POU2AF2: variants seen among roughly 807,000 people sequenced by gnomAD.
The protein encoded by POU2AF2 is POU class 2 homeobox associating factor 2, also known as POU domain class 2-associating factor 2.
chr11:111,249,069 A>G, the POU2AF2 span, among the ~76,000 whole-genome samples: 1 of 152,204 alleles, frequency 6.6e-6, no homozygotes, highest in African/African-American at 2.4e-5. Context: ...CTTTTTCCAA[A>G]TTCTACAGGA....
chr11:111,270,794 G>A, the POU2AF2 span, among the ~76,000 whole-genome samples: 2 of 152,144 alleles, frequency 1.3e-5, no homozygotes, highest in African/African-American at 4.8e-5. Context: ...GCACCTATGG[G>A]AGAGTATCAG....
chr11:111,273,163 G>A, the POU2AF2 span, among the ~76,000 whole-genome samples: 4 of 152,134 alleles, frequency 2.6e-5, no homozygotes, highest in African/African-American at 4.8e-5. Context: ...CACACCAACC[G>A]AAATGCCCTT....
chr11:111,245,768 A>G, the POU2AF2 span: 1 of 398,776 alleles, frequency 2.5e-6, no homozygotes, highest in Non-Finnish European at 4.4e-6. Context: ...TTTCTAGCAG[A>G]CCAGGACCCC....
the POU2AF2 span, chr11:111,255,904 C>A: frequency 1.0e-5 from 4 of 398,110 alleles, no homozygotes; most frequent in South Asian, 1.3e-4. Flanking sequence ...TCACAATGAT[C>A]AGCCCCCTAA....
the POU2AF2 span, among the ~76,000 whole-genome samples, chr11:111,262,459 A>C: frequency 6.6e-6 from 1 of 152,244 alleles, no homozygotes. Context: ...TGCACAATTC[A>C]GTTACCACAA....
At chr11:111,270,324 T>C in the POU2AF2 span, among the ~76,000 whole-genome samples, 1 of 152,184 alleles carries the variant, frequency 6.6e-6, no homozygotes, top group Non-Finnish European at 1.5e-5. Context: ...TGAGAGAGAA[T>C]TTAAACATGG....
the POU2AF2 span, among the ~76,000 whole-genome samples, chr11:111,264,491 C>CAAAA: frequency 1.8e-3 from 152 of 86,058 alleles, 5 homozygotes; most frequent in Middle Eastern, 6.5e-3. Flanking sequence ...GCAAGACTCA[C>CAAAA]GAAAGAAAGA....
At chr11:111,258,991 C>G in the POU2AF2 span, among the ~76,000 whole-genome samples, 4 of 151,864 alleles carry the variant, frequency 2.6e-5, no homozygotes, top group African/African-American at 9.7e-5. Context: ...CATTGGACAC[C>G]AAATAACCTG....
At chr11:111,254,175 C>T in the POU2AF2 span, among the ~76,000 whole-genome samples, 18 of 152,250 alleles carry the variant, frequency 1.2e-4, no homozygotes, top group South Asian at 3.7e-3. Flanking sequence ...GAGCATCACA[C>T]ACAATTCTAG....
chr11:111,271,012 A>G, the POU2AF2 span, among the ~76,000 whole-genome samples: 42 of 152,254 alleles, frequency 2.8e-4, no homozygotes, highest in Middle Eastern at 3.4e-3. Flanking sequence ...CAATATTTTC[A>G]CCATGTCTAC....
At chr11:111,272,183 C>T in the POU2AF2 span, among the ~76,000 whole-genome samples, 11 of 152,158 alleles carry the variant, frequency 7.2e-5, no homozygotes, top group East Asian at 5.8e-4. Context: ...AACTGATTTC[C>T]TTTTATCTAG....
At chr11:111,276,452 A>AT in the POU2AF2 span, among the ~76,000 whole-genome samples, 122 of 35,576 alleles carry the variant, frequency 3.4e-3, no homozygotes, top group South Asian at 0.011. Flanking sequence ...AAAAAAAAAA[A>AT]AATATATATA....
the POU2AF2 span, among the ~76,000 whole-genome samples, chr11:111,258,504 C>T: frequency 6.6e-6 from 1 of 152,160 alleles, no homozygotes; most frequent in Non-Finnish European, 1.5e-5. Context: ...GGCATGAAGG[C>T]ATATATCCAA....
At chr11:111,280,057 A>AAAATATATATATATAT in the POU2AF2 span, among the ~76,000 whole-genome samples, 27 of 76,472 alleles carry the variant, frequency 3.5e-4, no homozygotes, top group East Asian at 1.5e-3. Context: ...AAAAAAAAAA[A>AAAATATATATATATAT]ATATATATAT....
the POU2AF2 span, chr11:111,256,055 A>G: frequency 2.5e-6 from 1 of 399,144 alleles, no homozygotes; most frequent in Non-Finnish European, 4.4e-6. Flanking sequence ...CTCCTGGCAG[A>G]AAAACGATCC....
the POU2AF2 span, among the ~76,000 whole-genome samples, chr11:111,247,524 A>C: frequency 6.6e-6 from 1 of 152,182 alleles, no homozygotes; most frequent in Admixed American, 6.5e-5. Context: ...GTGGTGGTTC[A>C]TGCCTGTAAT....
chr11:111,253,999 T>A, the POU2AF2 span, among the ~76,000 whole-genome samples: 1 of 152,250 alleles, frequency 6.6e-6, no homozygotes, highest in African/African-American at 2.4e-5. Flanking sequence ...ATCCTAGGTG[T>A]ATTTCTGTTC....
At chr11:111,251,754 C>A in the POU2AF2 span, among the ~76,000 whole-genome samples, 1 of 152,190 alleles carries the variant, frequency 6.6e-6, no homozygotes, top group Non-Finnish European at 1.5e-5. Flanking sequence ...ATGTGAATGT[C>A]TGATTTCTCT....
chr11:111,257,287 C>T, the POU2AF2 span, among the ~76,000 whole-genome samples: 1 of 152,148 alleles, frequency 6.6e-6, no homozygotes, highest in Non-Finnish European at 1.5e-5. Context: ...AAATCAAACT[C>T]CTGAGACATA....
Sources: gnomAD v4.1 joint callset for allele counts (sites outside exome capture counted in the v4.1 genomes callset) on GRCh38, gnomAD v4.1.1 for gene constraint, MANE v1.5 for transcripts, NCBI Gene and HGNC (gene_info 2026-07-23, HGNC 2026-07-21) for gene names.